LIMCH1: variants seen among roughly 807,000 people sequenced by gnomAD.
LIMCH1 encodes the protein LIM and calponin homology domains-containing protein 1.
A neutral mutation model predicts 176.5 loss-of-function variants in LIMCH1; 113 were observed. The ratio of observed to expected loss-of-function variants is 0.64; its 90% CI spans 0.55 to 0.75. The LOEUF (loss-of-function observed/expected upper bound fraction) is 0.75. LIMCH1 is among the 30% of genes least tolerant of loss of function. The pLI, the probability that LIMCH1 is intolerant of heterozygous loss-of-function variation, is 0.00. For synonymous variants in LIMCH1, 619 were observed against 645.9 expected, an observed-to-expected ratio of 0.96 and a Z score of 0.63; for missense variants, 1,674 against 1,814.9, an observed-to-expected ratio of 0.92 and a Z score of 1.41.
rs1731571308 is a variant in LIMCH1 at position 41,697,734 on chromosome 4, A to T, written c.*549A>T. 6.6e-6 allele frequency: 1 copy of T among 152,642 alleles called. No individual in the cohort carries two copies. The highest frequency in any genetic ancestry group is 1.5e-5 in the Non-Finnish European group (1 of 68,358). The allele number at this position is 152,642 out of a possible 1,614,324, so 9.5% of individuals were successfully genotyped here. ...TGCAAAGACACTAGTTTGATAATAT[A>T]TACTGTAATCCTGAAACATTTGTGT... On this transcript the variant is annotated 3_prime_UTR_variant, in exon 32 of 32. Transcript: ENST00000503057.
chr4:41,490,085 G>T (rs1385685358), intron 1 of LIMCH1, among the ~76,000 whole-genome samples: 1 of 151,988 alleles, frequency 6.6e-6, no homozygotes, highest in East Asian at 1.9e-4. Context: ...GGAGGAGGAG[G>T]GGTTGGTCTC....
chr4:41,428,069 C>A (rs1425742267), intron 1 of LIMCH1, among the ~76,000 whole-genome samples: 1 of 152,022 alleles, frequency 6.6e-6, no homozygotes, highest in Non-Finnish European at 1.5e-5. Context: ...GTGGTCTTAA[C>A]AGCTTAACAG....
chr4:41,399,902 T>C (rs893967510), intron 1 of LIMCH1, among the ~76,000 whole-genome samples: 13 of 148,386 alleles, frequency 8.8e-5, no homozygotes, highest in African/African-American at 3.0e-4. Context: ...CAGGATGGTC[T>C]TGATCTCCTG....
intron 1 of LIMCH1, among the ~76,000 whole-genome samples, chr4:41,549,521 C>T (rs1381030111): frequency 6.6e-6 from 1 of 152,028 alleles, no homozygotes; most frequent in Non-Finnish European, 1.5e-5. Context: ...CTTTTTCTCT[C>T]TACTATAGCA....
chr4:41,653,499 GTTC>G (rs2094371367), intron 18 of LIMCH1, among the ~76,000 whole-genome samples: 1 of 152,176 alleles, frequency 6.6e-6, no homozygotes, highest in South Asian at 2.1e-4. Flanking sequence ...AAAGATTAGT[GTTC>G]TTCTTTTTAA....
chr4:41,371,665 C>T (rs1335052886), intron 1 of LIMCH1, among the ~76,000 whole-genome samples: 1 of 152,104 alleles, frequency 6.6e-6, no homozygotes, highest in Non-Finnish European at 1.5e-5. Flanking sequence ...TTGAAGTTCT[C>T]TACTGTGCCT....
chr4:41,688,121 G>A (rs1722408940), intron 29 of LIMCH1, among the ~76,000 whole-genome samples: 1 of 152,200 alleles, frequency 6.6e-6, no homozygotes, highest in Non-Finnish European at 1.5e-5. Context: ...AAAAAGTCAG[G>A]CCTGTGACAT....
chr4:41,640,844 G>T (rs2093790078), intron 14 of LIMCH1, among the ~76,000 whole-genome samples: 1 of 152,078 alleles, frequency 6.6e-6, no homozygotes, highest in Admixed American at 6.5e-5. Context: ...GGAGAATATA[G>T]GTCAGGGGCA....
At chr4:41,461,338 T>G (rs539224690) in intron 1 of LIMCH1, among the ~76,000 whole-genome samples, 81 of 152,352 alleles carry the variant, frequency 5.3e-4, no homozygotes, top group African/African-American at 1.9e-3. Context: ...GGATGCAGTT[T>G]GTTTGGGCTT....
intron 1 of LIMCH1, among the ~76,000 whole-genome samples, chr4:41,478,608 A>C (rs372735351): frequency 1.3e-5 from 2 of 152,234 alleles, no homozygotes; most frequent in African/African-American, 4.8e-5. Flanking sequence ...AGAATATCAA[A>C]TAGTGAAATC....
In LIMCH1 at chr4:41,646,576, T is replaced by C. The variant is rs2094070289; in HGVS notation, c.2503T>C (p.Phe835Leu). The stretch of plus-strand genomic sequence containing the variant: ...GATCCTTCAACAGTACATTGAGAGG[T>C]TCACCATCAGTGAGGCTGTTCTCGA... ...EGILQQYIERFTISEAVLERL... is the reference protein window; with the variant it reads ...EGILQQYIERLTISEAVLERL... The change falls in exon 17 of 32, where the codon TTC (phenylalanine) becomes CTC (leucine). Residue 835 changes from phenylalanine (F) to leucine (L), a missense_variant. Coordinates refer to ENST00000503057, the MANE Select transcript of LIMCH1 (RefSeq NM_001330672.2). 1.2e-6 allele frequency: 2 copies of C among 1,614,110 alleles called. No individual in the cohort carries two copies. The highest frequency in any genetic ancestry group is 2.7e-5 in the African/African-American group (2 of 75,020).
At chr4:41,489,964 G>GA (rs752411937) in intron 1 of LIMCH1, among the ~76,000 whole-genome samples, 93 of 152,136 alleles carry the variant, frequency 6.1e-4, no homozygotes, top group African/African-American at 2.2e-3. Flanking sequence ...GTAAGCTAGA[G>GA]AAAAAATGTT....
intron 3 of LIMCH1, among the ~76,000 whole-genome samples, chr4:41,529,282 A>G (rs2077004965): frequency 6.6e-6 from 1 of 152,198 alleles, no homozygotes; most frequent in Non-Finnish European, 1.5e-5. Context: ...TGCTTATGAT[A>G]GGAGTTTGGG....
intron 1 of LIMCH1, among the ~76,000 whole-genome samples, chr4:41,585,587 T>G (rs1400689765): frequency 6.6e-6 from 1 of 152,216 alleles, no homozygotes; most frequent in Non-Finnish European, 1.5e-5. Context: ...TGTAATCCTG[T>G]GTTTAACTTT....
intron 1 of LIMCH1, among the ~76,000 whole-genome samples, chr4:41,409,659 A>G (rs2059304747): frequency 6.6e-6 from 1 of 152,194 alleles, no homozygotes; most frequent in Admixed American, 6.5e-5. Context: ...GCTGACATTG[A>G]CTTAGAGCGG....
chr4:41,449,743 A>G (rs1469673795), intron 1 of LIMCH1, among the ~76,000 whole-genome samples: 3 of 152,226 alleles, frequency 2.0e-5, no homozygotes, highest in Non-Finnish European at 1.5e-5. Flanking sequence ...TTGGGCACTA[A>G]TCATATGAGT....
chr4:41,699,058 A>AT lies in LIMCH1; in HGVS notation c.*1875dup, dbSNP rs1732098247. The AT allele has an allele frequency of 6.6e-6, 1 of 152,242 alleles. No individual in the cohort carries two copies. Among genetic ancestry groups the AT allele is most frequent in the Non-Finnish European group, 1.5e-5 (1 of 68,034 alleles). The allele number at this position is 152,242 out of a possible 1,614,324, so 9.4% of individuals were successfully genotyped here. ...TGTACAGATCAAGTCCAATATTTTG[A>AT]TTATCCACCTGCATGTTTTATTAAA... On this transcript the variant is annotated 3_prime_UTR_variant, in exon 32 of 32. Coordinates refer to ENST00000503057, the MANE Select transcript of LIMCH1 (RefSeq NM_001330672.2).
chr4:41,434,717 A>C (rs1455220178), intron 1 of LIMCH1, among the ~76,000 whole-genome samples: 1 of 152,114 alleles, frequency 6.6e-6, no homozygotes, highest in Non-Finnish European at 1.5e-5. Flanking sequence ...GGGTTTTGCT[A>C]TGTTGGCCAG....
At chr4:41,651,807 G>C (rs887946434) in intron 18 of LIMCH1, among the ~76,000 whole-genome samples, 1 of 152,160 alleles carries the variant, frequency 6.6e-6, no homozygotes, top group African/African-American at 2.4e-5. Flanking sequence ...TGCTAATTCA[G>C]GTACTGCAGA....
Sources: allele counts gnomAD v4.1 joint callset (sites outside exome capture counted in the v4.1 genomes callset), GRCh38; gene constraint gnomAD v4.1.1; transcripts MANE v1.5; gene names NCBI Gene and HGNC (gene_info 2026-07-23, HGNC 2026-07-21).